Variants in CBR4 observed in about 807,000 individuals in gnomAD.
CBR4 encodes the protein carbonyl reductase 4, also known as 3-oxoacyl-[acyl-carrier-protein] reductase.
Under a neutral mutation model 21.0 loss-of-function variants are expected in CBR4, and 22 were observed. That is an observed-to-expected ratio of 1.05 (90% CI 0.75 to 1.50). CBR4 has a LOEUF of 1.50. Among genes scored for constraint, CBR4 ranks in the 40% most tolerant of loss-of-function variants. CBR4 has a pLI of 0.00. For synonymous variants in CBR4, 100 were observed against 104.4 expected (o/e 0.96, Z 0.26); for missense variants, 302 against 286.3 (o/e 1.05, Z -0.40).
rs550391511 is a variant in CBR4, at chr4:168,900,533, T to TA, written n.170-5769dup. 3.7e-4 allele frequency among the ~76,000 whole-genome samples: 56 copies of TA among 152,152 alleles called. No individual in the cohort carries two copies. The East Asian group carries it at 6.5e-3, about 18-fold the overall frequency. ...CATAAAATGAAAGAGGGAAAAGTGA[T>TA]AAAAAAATACCTGACACTTTTAGGT... On this transcript the variant is annotated intron_variant and non_coding_transcript_variant, in intron 2 of 3. Transcript: ENST00000509108.
At chr4:168,951,753 C>T (rs887179104) in intron 2 of CBR4, among the ~76,000 whole-genome samples, 2 of 152,222 alleles carry the variant, frequency 1.3e-5, no homozygotes, top group Non-Finnish European at 2.9e-5. Flanking sequence ...CCAATCCCTT[C>T]TAGCTTGTAG....
intron 2 of CBR4, among the ~76,000 whole-genome samples, chr4:168,909,280 C>T (rs1457535127): frequency 2.0e-5 from 3 of 152,176 alleles, no homozygotes; most frequent in African/African-American, 7.2e-5. Flanking sequence ...CCTCAAACTG[C>T]ATTATGTATA....
In CBR4 at chr4:168,988,839, G is replaced by C. The variant is rs138962795; in HGVS notation, c.*1311C>G. The C allele has an allele frequency of 1.0e-6, 1 of 953,120 alleles. No individual in the cohort carries two copies. Among genetic ancestry groups the C allele is most frequent in the Non-Finnish European group, 1.2e-6 (1 of 800,638 alleles). 59.0% of individuals were successfully genotyped at this position (953,120 alleles called of 1,614,324 possible). On this transcript the variant is annotated 3_prime_UTR_variant, in exon 5 of 5. Coordinates refer to ENST00000306193, the MANE Select transcript of CBR4 (RefSeq NM_032783.5). Reference sequence around the variant, plus strand: ...CTGCTTTGACTTTTGTTATTACTTTGTATTTATTAGTATATCCTATTCATA... The same window carrying C: ...CTGCTTTGACTTTTGTTATTACTTTCTATTTATTAGTATATCCTATTCATA...
intron 1 of CBR4, among the ~76,000 whole-genome samples, chr4:169,009,345 C>T (rs1487978234): frequency 6.6e-6 from 1 of 152,142 alleles, no homozygotes; most frequent in East Asian, 1.9e-4. Flanking sequence ...TTCAATTGTC[C>T]ATTTGCAAAA....
chr4:168,977,797 T>G (rs888364998), intron 2 of CBR4, among the ~76,000 whole-genome samples: 2 of 152,326 alleles, frequency 1.3e-5, no homozygotes, highest in Admixed American at 6.5e-5. Flanking sequence ...CATCCAGATT[T>G]ATACATCAGA....
chr4:168,954,488 C>G (rs933977590), intron 2 of CBR4, among the ~76,000 whole-genome samples: 2 of 152,176 alleles, frequency 1.3e-5, no homozygotes, highest in Non-Finnish European at 2.9e-5. Context: ...AAACTCCACC[C>G]TCATAACCTA....
At chr4:169,002,357 A>C (rs2126855044) in intron 3 of CBR4, 152 bp from the exon 4 acceptor site, 1 of 845,202 alleles carries the variant, frequency 1.2e-6, no homozygotes, top group Non-Finnish European at 1.6e-6. Context: ...CATTGTCATC[A>C]GTCATTTACG....
chr4:168,923,198 C>T (rs894695692), intron 2 of CBR4, among the ~76,000 whole-genome samples: 7 of 152,216 alleles, frequency 4.6e-5, no homozygotes, highest in African/African-American at 1.7e-4. Context: ...ACAAAGTGAG[C>T]TTCTGTTCCC....
intron 2 of CBR4, chr4:168,927,624 A>T: frequency 4.4e-6 from 1 of 227,692 alleles, no homozygotes. Flanking sequence ...GATGTGGTAA[A>T]TGAAAATTAT....
At chr4:168,925,978 A>G (rs1300045958) in intron 2 of CBR4, among the ~76,000 whole-genome samples, 1 of 151,328 alleles carries the variant, frequency 6.6e-6, no homozygotes, top group African/African-American at 2.4e-5. Context: ...AAAAAAAAAG[A>G]TAAACTACAC....
chr4:168,968,002 C>T (rs1764094171), intron 2 of CBR4, among the ~76,000 whole-genome samples: 1 of 152,160 alleles, frequency 6.6e-6, no homozygotes, highest in African/African-American at 2.4e-5. Flanking sequence ...TCTCTTCTAA[C>T]CACCTCACTC....
intron 2 of CBR4, among the ~76,000 whole-genome samples, chr4:168,973,533 G>C (rs1455620565): frequency 6.6e-6 from 1 of 152,144 alleles, no homozygotes; most frequent in East Asian, 1.9e-4. Flanking sequence ...TCACCATGTT[G>C]GTCAGGTTGG....
At chr4:168,966,356 C>CAAAA (rs1215042926) in intron 2 of CBR4, among the ~76,000 whole-genome samples, 18 of 75,170 alleles carry the variant, frequency 2.4e-4, no homozygotes, top group South Asian at 5.8e-4. Context: ...ACTAAAAATA[C>CAAAA]AAAAAAAAAA....
chr4:168,974,723 T>A (rs192716855), intron 2 of CBR4, among the ~76,000 whole-genome samples: 1 of 152,324 alleles, frequency 6.6e-6, no homozygotes, highest in African/African-American at 2.4e-5. Flanking sequence ...ATTTAGCATT[T>A]CACTAAGTGT....
chr4:168,974,332 C>T (rs558502819), intron 2 of CBR4, among the ~76,000 whole-genome samples: 1 of 152,296 alleles, frequency 6.6e-6, no homozygotes, highest in East Asian at 1.9e-4. Context: ...TGCTTCACAG[C>T]TCTTGAGATT....
chr4:168,906,297 A>C (rs963656630), intron 2 of CBR4, among the ~76,000 whole-genome samples: 2 of 152,246 alleles, frequency 1.3e-5, no homozygotes, highest in Admixed American at 1.3e-4. Context: ...AAAAGAACAT[A>C]AACGTAAAAC....
chr4:168,895,822 T>C (rs1022437150), intron 2 of CBR4, among the ~76,000 whole-genome samples: 1 of 152,244 alleles, frequency 6.6e-6, no homozygotes. Context: ...TATTATCTCT[T>C]TATCTTCTTT....
intron 2 of CBR4, chr4:168,927,789 C>T (rs193215860): frequency 2.1e-4 from 46 of 217,746 alleles, no homozygotes; most frequent in African/African-American, 8.5e-4. Context: ...GGTTTTAAGT[C>T]GGAACCGATA....
chr4:168,992,368 G>A (rs919722244), intron 4 of CBR4, among the ~76,000 whole-genome samples: 2 of 152,118 alleles, frequency 1.3e-5, no homozygotes, highest in African/African-American at 4.8e-5. Flanking sequence ...TGGGACAGAG[G>A]TGAATAAGAA....
Sources: allele counts gnomAD v4.1 joint callset (sites outside exome capture counted in the v4.1 genomes callset), GRCh38; gene constraint gnomAD v4.1.1; transcripts MANE v1.5; gene names NCBI Gene and HGNC (gene_info 2026-07-23, HGNC 2026-07-21).